The following UBE3D variants were observed in gnomAD, a reference collection of about 807,000 sequenced individuals.
UBE3D encodes E3 ubiquitin-protein ligase E3D.
UBE3D carries 48 observed loss-of-function variants against 49.6 expected under a neutral mutation model. That is an observed-to-expected ratio of 0.97 (90% CI 0.77 to 1.23). The LOEUF (loss-of-function observed/expected upper bound fraction) is 1.23, where lower values mean the gene tolerates loss of function less well. UBE3D is among the 50% of genes most tolerant of loss of function. The pLI is 0.00. For synonymous variants in UBE3D, 189 were observed against 174.2 expected (o/e 1.08, Z -0.67); for missense variants, 452 against 468.4 (o/e 0.96, Z 0.32).
At chr6:82,894,396 C>T (rs553697811) in intron 9 of UBE3D, among the ~76,000 whole-genome samples, 84 of 152,204 alleles carry the variant, frequency 5.5e-4, no homozygotes, top group African/African-American at 1.8e-3. Context: ...AGGGCCAAAC[C>T]GCCTGATCAT....
At chr6:82,937,991 G>A (rs553526495) in intron 9 of UBE3D, among the ~76,000 whole-genome samples, 6 of 152,194 alleles carry the variant, frequency 3.9e-5, no homozygotes, top group South Asian at 2.1e-4. Context: ...GCGTGTGCGC[G>A]CGCACACACA....
At chr6:83,052,919 A>G (rs1783565842) in intron 3 of UBE3D, among the ~76,000 whole-genome samples, 1 of 152,190 alleles carries the variant, frequency 6.6e-6, no homozygotes, top group African/African-American at 2.4e-5. Context: ...AGGTGAACAA[A>G]CAGTAGCCTC....
At chr6:83,063,859 T>A (rs1784332111) in intron 1 of UBE3D, among the ~76,000 whole-genome samples, 1 of 152,200 alleles carries the variant, frequency 6.6e-6, no homozygotes, top group Non-Finnish European at 1.5e-5. Flanking sequence ...ATCTATCCTA[T>A]GACCCAGAAA....
At chr6:83,053,565 A>C (rs1347401929) in intron 3 of UBE3D, among the ~76,000 whole-genome samples, 2 of 152,154 alleles carry the variant, frequency 1.3e-5, no homozygotes, top group South Asian at 2.1e-4. Flanking sequence ...AAAAACCCAA[A>C]AACAACAACA....
At chr6:82,882,872 G>A in the UBE3D span, among the ~76,000 whole-genome samples, 9 of 152,028 alleles carry the variant, frequency 5.9e-5, no homozygotes, top group Middle Eastern at 3.4e-3. Context: ...TGCTTGCTCC[G>A]CCCCAATAAA....
At chr6:82,979,029 CCTTAT>C (rs1313908420) in intron 8 of UBE3D, among the ~76,000 whole-genome samples, 1 of 151,996 alleles carries the variant, frequency 6.6e-6, no homozygotes, top group Non-Finnish European at 1.5e-5. Context: ...TTATCTCCTC[CCTTAT>C]AAGACCTGGG....
At chr6:83,061,204 T>C (rs1194576540) in intron 1 of UBE3D, among the ~76,000 whole-genome samples, 1 of 152,186 alleles carries the variant, frequency 6.6e-6, no homozygotes, top group Non-Finnish European at 1.5e-5. Context: ...ACAAAATGAT[T>C]GTACTATCAT....
chr6:83,054,091 A>C (rs570490115), intron 3 of UBE3D, 57 bp downstream of exon 3: 3 of 1,442,614 alleles, frequency 2.1e-6, no homozygotes, highest in East Asian at 2.3e-5. Flanking sequence ...ATTCTGATAG[A>C]AAAAGAGATA....
In UBE3D at chr6:83,022,545, T is replaced by A; in HGVS notation, c.754A>T (p.Ser252Cys). 1 of 1,594,876 alleles carries A rather than the reference T, an allele frequency of 6.3e-7. No homozygotes were observed. The highest frequency in any genetic ancestry group is 8.5e-7 in the Non-Finnish European group (1 of 1,173,652). ...TGCACCAGACACTGGGCGATCACGC[T>A]CTGGACAAACCAAGACCTGTTTGAA... ...PIIPRSWFVQ[S>C]VIAQCLVQLS... The change falls in exon 7 of 10, where the codon AGC becomes TGC. Residue 252 changes from serine to cysteine, a missense_variant. By Grantham distance (112) the Ser-to-Cys change is moderately radical. Coordinates refer to ENST00000369747, the MANE Select transcript of UBE3D (RefSeq NM_198920.3).
chr6:82,945,666 G>A (rs986138698), intron 9 of UBE3D, among the ~76,000 whole-genome samples: 1 of 152,138 alleles, frequency 6.6e-6, no homozygotes, highest in African/African-American at 2.4e-5. Flanking sequence ...CAAACTAAAT[G>A]AGGCACCAGG....
chr6:83,063,259 C>T, intron 1 of UBE3D: 1 of 225,706 alleles, frequency 4.4e-6, no homozygotes, highest in South Asian at 4.3e-5. Context: ...CAAAAAAATA[C>T]AAAAATTAGC....
intron 8 of UBE3D, among the ~76,000 whole-genome samples, chr6:82,961,423 G>A (rs555181247): frequency 5.9e-5 from 9 of 152,260 alleles, no homozygotes; most frequent in African/African-American, 1.7e-4. Context: ...AGCCCTGAAT[G>A]GTAGGCATCA....
At chr6:82,995,515 C>G (rs1487508046) in intron 8 of UBE3D, among the ~76,000 whole-genome samples, 3 of 151,862 alleles carry the variant, frequency 2.0e-5, no homozygotes, top group Non-Finnish European at 2.9e-5. Flanking sequence ...CACACACACA[C>G]AGTCACCAAC....
chr6:83,001,097 G>A (rs547747885), intron 8 of UBE3D, among the ~76,000 whole-genome samples: 14 of 152,254 alleles, frequency 9.2e-5, no homozygotes, highest in African/African-American at 2.9e-4. Flanking sequence ...GCCAGCGTTG[G>A]CTTCCCAAAG....
chr6:82,941,343 A>G (rs928948309), intron 9 of UBE3D, among the ~76,000 whole-genome samples: 1 of 148,380 alleles, frequency 6.7e-6, no homozygotes, highest in Non-Finnish European at 1.5e-5. Context: ...AGGGGAAAAC[A>G]TGACTTAAAA....
In UBE3D at chr6:82,946,174, C is replaced by T. The variant is rs150400679; in HGVS notation, c.1149+11138G>A. On this transcript the variant is annotated intron_variant, in intron 9 of 9. Coordinates refer to ENST00000369747, the MANE Select transcript of UBE3D (RefSeq NM_198920.3). ...GTACCAGAAGGTTACAGAAAACCAA[C>T]CAGATTCCACAGATGAGTACCTCAG... Among the ~76,000 whole-genome samples the T allele has an allele frequency of 5.9e-3, 892 of 152,158 alleles. 2 individuals are homozygous for T. The Middle Eastern group carries it at 0.075, about 13-fold the overall frequency.
intron 8 of UBE3D, among the ~76,000 whole-genome samples, chr6:83,013,101 C>T (rs944372085): frequency 1.3e-5 from 2 of 152,240 alleles, no homozygotes; most frequent in South Asian, 4.1e-4. Flanking sequence ...AGGACCTGCT[C>T]GAGCCCAATC....
At chr6:82,960,075 C>G (rs762237890) in intron 8 of UBE3D, among the ~76,000 whole-genome samples, 3 of 152,182 alleles carry the variant, frequency 2.0e-5, no homozygotes, top group Non-Finnish European at 2.9e-5. Flanking sequence ...CTCAGGAAGG[C>G]ATCCTGTCCA....
intron 8 of UBE3D, among the ~76,000 whole-genome samples, chr6:83,003,683 A>G (rs1443399349): frequency 1.3e-5 from 2 of 152,190 alleles, no homozygotes; most frequent in African/African-American, 4.8e-5. Context: ...ACTGTAGGCA[A>G]TGGTAACACA....
Sources: allele counts gnomAD v4.1 joint callset (sites outside exome capture counted in the v4.1 genomes callset), GRCh38; gene constraint gnomAD v4.1.1; transcripts MANE v1.5; gene names NCBI Gene and HGNC (gene_info 2026-07-23, HGNC 2026-07-21).